The following ARFGEF2 variants were observed in gnomAD, a reference collection of about 807,000 sequenced individuals.
ARFGEF2 encodes brefeldin A-inhibited guanine nucleotide-exchange protein 2.
ARFGEF2 carries 74 observed loss-of-function variants against 219.9 expected under a neutral mutation model. The ratio of observed to expected loss-of-function variants is 0.34; its 90% CI spans 0.28 to 0.41. The LOEUF (loss-of-function observed/expected upper bound fraction) is 0.41, where lower values mean the gene tolerates loss of function less well. ARFGEF2 is among the 10% of genes least tolerant of loss of function. ARFGEF2 has a pLI of 1.00. For missense variants in ARFGEF2, 1,743 were observed against 2,218.3 expected, an observed-to-expected ratio of 0.79 and a Z score of 4.30; for synonymous variants, 733 against 799.2, an observed-to-expected ratio of 0.92 and a Z score of 1.40.
At chr20:48,947,270 C>G (rs999771077) in intron 3 of ARFGEF2, among the ~76,000 whole-genome samples, 2 of 151,906 alleles carry the variant, frequency 1.3e-5, no homozygotes, top group Non-Finnish European at 1.5e-5. Flanking sequence ...TGTGGTAGCA[C>G]ATGCCTATAA....
intron 1 of ARFGEF2, among the ~76,000 whole-genome samples, chr20:48,938,128 C>G (rs1568691591): frequency 6.6e-6 from 1 of 152,170 alleles, no homozygotes; most frequent in Non-Finnish European, 1.5e-5. Flanking sequence ...CTTGTAACCT[C>G]TGTGGATCTT....
rs563802644 is a variant in ARFGEF2 at position 49,025,550 on chromosome 20, A to G, written c.4924+69A>G. 9.2e-5 allele frequency: 143 copies of G among 1,559,228 alleles called. No homozygotes were observed. In the African/African-American group the frequency reaches 1.8e-3, roughly 19 times the overall value. Reference sequence around the variant, plus strand: ...CTTCCTAAAACATTAAAGTGCTTGGAAAATGCCCAAAATTTTAAACATAGC... The same window carrying G: ...CTTCCTAAAACATTAAAGTGCTTGGGAAATGCCCAAAATTTTAAACATAGC... On this transcript the variant is annotated intron_variant, in intron 36 of 38. Coordinates refer to ENST00000371917, the MANE Select transcript of ARFGEF2 (RefSeq NM_006420.3).
At position 49,029,947 on chromosome 20, in the gene ARFGEF2, A is replaced by T. The variant is rs183829433; in HGVS notation, c.5063+1279A>T. The stretch of plus-strand genomic sequence containing the variant: ...TTTTGAGACAGAGTCTTGCTCTGTC[A>T]CTCAGGCTGGAGTGCAGTGGCGTGA... On this transcript the variant is annotated intron_variant, in intron 37 of 38. Coordinates refer to ENST00000371917, the MANE Select transcript of ARFGEF2 (RefSeq NM_006420.3). Among the ~76,000 whole-genome samples the T allele has an allele frequency of 5.0e-3, 603 of 119,594 alleles. 5 individuals are homozygous for T. Among genetic ancestry groups the T allele is most frequent in the African/African-American group, 0.019 (571 of 29,986 alleles). 78.5% of individuals were successfully genotyped at this position (119,594 alleles called of 152,430 possible). A position where few individuals can be genotyped will look rare whatever the true frequency, so the allele number is the denominator to read the frequency against.
At position 48,971,834 on chromosome 20, in the gene ARFGEF2, G is replaced by A. The variant is rs367660188; in HGVS notation, c.1425+480G>A. Among the ~76,000 whole-genome samples, 16 of 152,042 alleles carry A rather than the reference G, an allele frequency of 1.1e-4. 1 individual carries two copies. Among genetic ancestry groups the A allele is most frequent in the South Asian group, 8.3e-4 (4 of 4,822 alleles). On this transcript the variant is annotated intron_variant, in intron 10 of 38. Coordinates refer to ENST00000371917, the MANE Select transcript of ARFGEF2 (RefSeq NM_006420.3). ...GAGAATGGCATGAACCCGGGAGGCG[G>A]AGCTTGCAGTGAGCCAAGATTGCAC...
In ARFGEF2 at chr20:48,991,216, T is replaced by A. The variant is rs752670267; in HGVS notation, c.2973+18T>A. The A allele has an allele frequency of 4.3e-5, 69 of 1,614,056 alleles. No homozygotes were observed. The highest frequency in any genetic ancestry group is 5.7e-5 in the Non-Finnish European group (67 of 1,180,018). On this transcript the variant is annotated intron_variant, in intron 21 of 38. Transcript: ENST00000371917. ...GGCATGAGGTACGTGTCTCTTTGAATTGCCTTTTCTCAGTTAGGATGACTC... is the reference window on the plus strand; with the variant it reads ...GGCATGAGGTACGTGTCTCTTTGAAATGCCTTTTCTCAGTTAGGATGACTC...
intron 21 of ARFGEF2, among the ~76,000 whole-genome samples, chr20:48,993,131 A>G (rs76588214): frequency 1.2e-3 from 176 of 152,362 alleles, no homozygotes; most frequent in African/African-American, 4.1e-3. Flanking sequence ...TACGTAGAGA[A>G]TCAATGAATA....
At position 48,976,159 on chromosome 20, in the gene ARFGEF2, A is replaced by G. The variant is rs2091259812; in HGVS notation, c.1918A>G (p.Ile640Val). The change falls in exon 14 of 39, where the codon ATC becomes GTC. Residue 640 changes from isoleucine to valine, a missense_variant. By Grantham distance (29) the Ile-to-Val change is conservative. Around this residue, in one of 5 missense-constraint regions of ARFGEF2, gnomAD observed 666 missense variants for 955.4 expected, o/e 0.70. Coordinates refer to ENST00000371917, the MANE Select transcript of ARFGEF2 (RefSeq NM_006420.3). ...GGATGACCCTGAGCAATTTGAGGTC[A>G]TCAAGCAACAAAAAGAAATCATTGA... ...VQDDPEQFEV[I>V]KQQKEIIEHG... 1 of 1,614,030 alleles carries G rather than the reference A, an allele frequency of 6.2e-7. No individual in the cohort carries two copies. The highest frequency in any genetic ancestry group is 1.3e-5 in the African/African-American group (1 of 74,926).
chr20:48,971,677 G>A (rs1316473365), intron 10 of ARFGEF2, among the ~76,000 whole-genome samples: 2 of 151,994 alleles, frequency 1.3e-5, no homozygotes, highest in Admixed American at 6.6e-5. Flanking sequence ...TGAGGCGGGC[G>A]GATCATGAGG....
chr20:48,977,392 T>G (rs578041361), intron 14 of ARFGEF2, among the ~76,000 whole-genome samples: 24 of 152,336 alleles, frequency 1.6e-4, no homozygotes, highest in South Asian at 6.2e-4. Flanking sequence ...GACATTTGGG[T>G]TGATTCCAAG....
intron 1 of ARFGEF2, among the ~76,000 whole-genome samples, chr20:48,923,598 G>A (rs2090857367): frequency 6.6e-6 from 1 of 152,184 alleles, no homozygotes; most frequent in Non-Finnish European, 1.5e-5. Flanking sequence ...TATTTTATCA[G>A]CAATGTGGGA....
At chr20:48,943,455 A>G (rs576479737) in intron 3 of ARFGEF2, among the ~76,000 whole-genome samples, 1 of 152,366 alleles carries the variant, frequency 6.6e-6, no homozygotes, top group Admixed American at 6.5e-5. Context: ...AGTAATATAC[A>G]GGTAGTACGA....
intron 1 of ARFGEF2, among the ~76,000 whole-genome samples, chr20:48,930,683 C>T (rs1247564502): frequency 6.6e-6 from 1 of 152,112 alleles, no homozygotes; most frequent in Non-Finnish European, 1.5e-5. Flanking sequence ...TGCCTTTGAG[C>T]ATTCAGTTGG....
chr20:49,021,844 C>CA (rs71337480), intron 34 of ARFGEF2, among the ~76,000 whole-genome samples: 57,866 of 109,924 alleles, frequency 0.53, 14,097 homozygotes, highest in African/African-American at 0.64. Context: ...GACTCTGTCT[C>CA]AAAAAAAAAA....
At chr20:48,977,457 A>G (rs546182640) in intron 14 of ARFGEF2, among the ~76,000 whole-genome samples, 2 of 152,322 alleles carry the variant, frequency 1.3e-5, no homozygotes, top group East Asian at 3.9e-4. Flanking sequence ...GTGTCTTTAT[A>G]GTAGCATGAT....
At chr20:48,970,776 G>C (rs1568712978) in intron 9 of ARFGEF2, among the ~76,000 whole-genome samples, 1 of 152,180 alleles carries the variant, frequency 6.6e-6, no homozygotes, top group Non-Finnish European at 1.5e-5. Flanking sequence ...GTGTGAAACA[G>C]AGTGAGCCAG....
chr20:49,002,838 GT>G (rs1398692131), intron 25 of ARFGEF2, among the ~76,000 whole-genome samples: 1 of 151,346 alleles, frequency 6.6e-6, no homozygotes, highest in Non-Finnish European at 1.5e-5. Flanking sequence ...TAGAGACACA[GT>G]TTCACCACAT....
chr20:48,946,479 A>T (rs1430170001), intron 3 of ARFGEF2, among the ~76,000 whole-genome samples: 8 of 62,256 alleles, frequency 1.3e-4, no homozygotes, highest in Non-Finnish European at 2.6e-4. Flanking sequence ...TATCAATTTT[A>T]TATATATATA....
intron 27 of ARFGEF2, among the ~76,000 whole-genome samples, chr20:49,011,395 T>A (rs1205498507): frequency 1.3e-5 from 2 of 152,176 alleles, no homozygotes; most frequent in Non-Finnish European, 2.9e-5. Context: ...GAACAGACTA[T>A]CTCATTATTT....
intron 11 of ARFGEF2, 138 bp downstream of exon 11, chr20:48,972,563 C>T: frequency 1.3e-6 from 1 of 748,090 alleles, no homozygotes; most frequent in South Asian, 1.5e-5. Context: ...TAGTCCTGCC[C>T]CACCTCTCCT....
Sources: gnomAD v4.1 joint callset for allele counts (sites outside exome capture counted in the v4.1 genomes callset) on GRCh38, gnomAD v4.1.1 for gene constraint, gnomAD v4.1.1 regional missense constraint, MANE v1.5 for transcripts, NCBI Gene and HGNC (gene_info 2026-07-23, HGNC 2026-07-21) for gene names.